The following PARP9 variants were observed in gnomAD, a reference collection of about 807,000 sequenced individuals.
PARP9 encodes poly(ADP-ribose) polymerase family member 9.
In PARP9, 48 loss-of-function variants were observed where a neutral mutation model predicts 68.8. That is an observed-to-expected ratio of 0.70 (90% confidence interval 0.55 to 0.89). PARP9 has a LOEUF of 0.89. Ranked by LOEUF, PARP9 falls within the 40% of genes least tolerant of loss-of-function variation. The pLI is 0.00. For synonymous variants in PARP9, 309 were observed against 333.8 expected (o/e 0.93, Z 0.81); for missense variants, 806 against 969.3 (o/e 0.83, Z 2.24).
upstream of PARP9, chr3:122,564,364 G>C (rs1462721638): frequency 2.8e-5 from 43 of 1,522,896 alleles, no homozygotes; most frequent in East Asian, 7.6e-4. Flanking sequence ...TCCGCAGGGC[G>C]GGCCGCGCCT....
intron 3 of PARP9, 148 bp downstream of exon 3, chr3:122,558,286 G>C (rs746624605): frequency 3.2e-5 from 51 of 1,596,128 alleles, no homozygotes; most frequent in Non-Finnish European, 4.0e-5. Flanking sequence ...CACCAACTCT[G>C]AAGCATGTGC....
At chr3:122,552,257 C>T (rs556506588) in intron 5 of PARP9, among the ~76,000 whole-genome samples, 161 bp downstream of exon 5, 3 of 151,972 alleles carry the variant, frequency 2.0e-5, no homozygotes, top group African/African-American at 7.3e-5. Flanking sequence ...GGCAACTGTA[C>T]CTGTTCAGTA....
At chr3:122,532,019 C>G (rs1357017493) in intron 10 of PARP9, 1 of 468,546 alleles carries the variant, frequency 2.1e-6, no homozygotes, top group Non-Finnish European at 2.8e-6. Context: ...CAATGGAAAT[C>G]TCGGAATAAG....
chr3:122,539,426 A>C (rs1014831980), intron 8 of PARP9, among the ~76,000 whole-genome samples: 11 of 152,222 alleles, frequency 7.2e-5, no homozygotes, highest in Non-Finnish European at 1.6e-4. Flanking sequence ...CACCTAGCAC[A>C]ATGCTTGGCA....
chr3:122,537,233 C>T (rs1188274495), intron 8 of PARP9, among the ~76,000 whole-genome samples, 160 bp from the exon 9 acceptor site: 8 of 152,036 alleles, frequency 5.3e-5, no homozygotes, highest in Admixed American at 2.0e-4. Flanking sequence ...ATACTACGAG[C>T]GGTCAGGATA....
At chr3:122,540,218 T>C (rs1370636362) in intron 8 of PARP9, among the ~76,000 whole-genome samples, 2 of 152,232 alleles carry the variant, frequency 1.3e-5, no homozygotes, top group African/African-American at 2.4e-5. Flanking sequence ...AAATTCCATG[T>C]AATTGCCTCT....
chr3:122,559,796 G>C, intron 1 of PARP9, 87 bp from the exon 2 acceptor site: 1 of 490,114 alleles, frequency 2.0e-6, no homozygotes, highest in Non-Finnish European at 3.5e-6. Context: ...GACTGAACAT[G>C]ATTTCTGATC....
chr3:122,548,239 G>A (rs997730396), intron 6 of PARP9, among the ~76,000 whole-genome samples: 13 of 152,246 alleles, frequency 8.5e-5, no homozygotes, highest in African/African-American at 3.1e-4. Flanking sequence ...GAAAGAGCAA[G>A]CTGGAACAAG....
chr3:122,553,795 T>A (rs1041090328), intron 4 of PARP9, among the ~76,000 whole-genome samples: 1 of 152,214 alleles, frequency 6.6e-6, no homozygotes, highest in Admixed American at 6.5e-5. Flanking sequence ...ATTCTCACCC[T>A]CTGTTGTGGT....
intron 3 of PARP9, among the ~76,000 whole-genome samples, chr3:122,557,956 C>T (rs921920234): frequency 7.9e-5 from 12 of 152,128 alleles, no homozygotes; most frequent in African/African-American, 2.9e-4. Flanking sequence ...GTGATCATTA[C>T]TTTTATTTTG....
chr3:122,562,587 G>T (rs2080334636), intron 1 of PARP9, among the ~76,000 whole-genome samples: 2 of 152,208 alleles, frequency 1.3e-5, no homozygotes, highest in South Asian at 4.1e-4. Flanking sequence ...TTTAGAAAAT[G>T]TAAAAGGTTT....
intron 6 of PARP9, among the ~76,000 whole-genome samples, chr3:122,547,336 C>G (rs185585595): frequency 6.6e-6 from 1 of 151,574 alleles, no homozygotes; most frequent in Admixed American, 6.6e-5. Flanking sequence ...CTCAGGTGAT[C>G]CGCCCAGCTC....
intron 3 of PARP9, among the ~76,000 whole-genome samples, chr3:122,556,869 T>C (rs559612960): frequency 6.6e-6 from 1 of 152,266 alleles, no homozygotes; most frequent in South Asian, 2.1e-4. Context: ...CAGGCTGCAG[T>C]GTAGTGATGC....
intron 7 of PARP9, among the ~76,000 whole-genome samples, chr3:122,544,951 A>C (rs1050454470): frequency 6.6e-6 from 1 of 152,220 alleles, no homozygotes; most frequent in Non-Finnish European, 1.5e-5. Context: ...GGACAAATAC[A>C]TATTTTGGGG....
At chr3:122,534,032 G>A (rs2077475342) in intron 10 of PARP9, 2 of 985,378 alleles carry the variant, frequency 2.0e-6, no homozygotes, top group Non-Finnish European at 2.4e-6. Context: ...ATTGGTGCAG[G>A]TCACATTATG....
intron 9 of PARP9, 109 bp from the exon 10 acceptor site, chr3:122,536,451 G>T: frequency 1.4e-6 from 2 of 1,474,814 alleles, no homozygotes; most frequent in Non-Finnish European, 1.8e-6. Context: ...ATACTACTTT[G>T]CATGCAATTC....
chr3:122,557,439 CAAG>C (rs2079793175), intron 3 of PARP9, among the ~76,000 whole-genome samples: 1 of 152,198 alleles, frequency 6.6e-6, no homozygotes, highest in South Asian at 2.1e-4. Flanking sequence ...ATGTGGCAGA[CAAG>C]AAGATGTGCT....
intron 1 of PARP9, among the ~76,000 whole-genome samples, chr3:122,560,099 G>A (rs1477851369): frequency 6.6e-6 from 1 of 152,182 alleles, no homozygotes; most frequent in East Asian, 1.9e-4. Flanking sequence ...GAGCTTATGA[G>A]TGAGTGAAGC....
At position 122,528,640 on chromosome 3, in the gene PARP9, C is replaced by G; in HGVS notation, c.2184G>C (p.Glu728Asp). The change falls in exon 11 of 11, where the codon GAG becomes GAC. Residue 728 changes from glutamate to aspartate, a missense_variant. By Grantham distance (45) the Glu-to-Asp change is conservative. Around this residue, in one of 2 missense-constraint regions of PARP9, gnomAD observed 680 missense variants for 858.8 expected, o/e 0.79. Transcript: ENST00000682323. The stretch of plus-strand genomic sequence containing the variant: ...AGAAGAAGCCTGTGAGTACTTCAGC[C>G]TCAAACACATAGATCAGCTTATCTG... ...SAADKLIYVF[E>D]AEVLTGFFCQ... is the part of the protein sequence containing the mutation. The G allele has an allele frequency of 6.2e-7, 1 of 1,614,152 alleles. No individual in the cohort carries two copies. The highest frequency in any genetic ancestry group is 8.5e-7 in the Non-Finnish European group (1 of 1,180,026).
Sources: allele counts gnomAD v4.1 joint callset (sites outside exome capture counted in the v4.1 genomes callset), GRCh38; gene constraint gnomAD v4.1.1; regional missense constraint gnomAD v4.1.1; transcripts MANE v1.5; gene names NCBI Gene and HGNC (gene_info 2026-07-23, HGNC 2026-07-21).